Variants in NOTCH2 observed in about 807,000 individuals in gnomAD.
NOTCH2 encodes neurogenic locus notch homolog protein 2.
Under a neutral mutation model 235.8 loss-of-function variants are expected in NOTCH2, and 29 were observed. The observed-to-expected ratio is 0.12, with a 90% CI of 0.09 to 0.17. The LOEUF (loss-of-function observed/expected upper bound fraction) is 0.17. NOTCH2 is among the 10% of genes least tolerant of loss of function. The probability of loss-of-function intolerance (pLI) is 1.00; values close to 1 mark genes in which losing one functional copy is unlikely to be tolerated. For missense variants in NOTCH2, 2,285 were observed against 3,150.2 expected, an observed-to-expected ratio of 0.73 and a Z score of 6.57; for synonymous variants, 1,086 against 1,141.5, an observed-to-expected ratio of 0.95 and a Z score of 0.98.
At chr1:119,938,076 T>C in intron 19 of NOTCH2, 66 bp from the exon 20 acceptor site, 5 of 1,553,376 alleles carry the variant, frequency 3.2e-6, no homozygotes, top group East Asian at 4.5e-5. Context: ...AAAGAAGTTA[T>C]ATTGTGTTAC....
chr1:119,972,795 T>C (rs1437970950), intron 5 of NOTCH2, among the ~76,000 whole-genome samples: 4 of 152,160 alleles, frequency 2.6e-5, no homozygotes, highest in African/African-American at 9.6e-5. Flanking sequence ...AGATTTGAAC[T>C]GGAGCTGCCT....
intron 22 of NOTCH2, chr1:119,934,972 G>T: frequency 2.6e-6 from 1 of 391,386 alleles, no homozygotes; most frequent in Non-Finnish European, 3.5e-6. Flanking sequence ...CTCTCATCAG[G>T]CCTTACTGCA....
chr1:119,927,952 C>A (rs1402957167), intron 23 of NOTCH2, among the ~76,000 whole-genome samples: 1 of 152,106 alleles, frequency 6.6e-6, no homozygotes, highest in Non-Finnish European at 1.5e-5. Context: ...CAGGATGTAG[C>A]AGAGTTCAGC....
In NOTCH2 at chr1:120,002,110, T is replaced by C. The variant is rs587727269; in HGVS notation, c.415+3219A>G. Reference sequence around the variant, plus strand: ...CTCACCATCACCCCTAGTGATCCACTAGCAAAATGTTTGCTTCCTGTTCCC... The same window carrying C: ...CTCACCATCACCCCTAGTGATCCACCAGCAAAATGTTTGCTTCCTGTTCCC... On this transcript the variant is annotated intron_variant, in intron 3 of 33. Coordinates refer to ENST00000256646, the MANE Select transcript of NOTCH2 (RefSeq NM_024408.4). 5.1e-4 allele frequency among the ~76,000 whole-genome samples: 78 copies of C among 152,106 alleles called. 1 individual carries two copies. Among genetic ancestry groups the C allele is most frequent in the Admixed American group, 4.8e-3 (74 of 15,278 alleles).
At chr1:119,928,215 T>A (rs1020441963) in intron 23 of NOTCH2, among the ~76,000 whole-genome samples, 11 of 152,156 alleles carry the variant, frequency 7.2e-5, no homozygotes, top group African/African-American at 2.4e-4. Context: ...TTGGTCATCT[T>A]CAGGCCCTGT....
chr1:119,941,830 T>C (rs782120806), intron 17 of NOTCH2, 76 bp from the exon 18 acceptor site: 111 of 1,154,658 alleles, frequency 9.6e-5, no homozygotes, highest in Non-Finnish European at 1.4e-4. Context: ...GTGAATGACC[T>C]GAACTAAGTC....
rs1648943603 is a variant in NOTCH2 at position 119,913,073 on chromosome 1, G to C, written c.*2233C>G. On this transcript the variant is annotated 3_prime_UTR_variant, in exon 34 of 34. Coordinates refer to ENST00000256646, the MANE Select transcript of NOTCH2 (RefSeq NM_024408.4). ...GGCAGAAAGGGGCAGGTACGCTGTG[G>C]TCCACAGAGGTCCATGCAGATAGGT... 4.3e-6 allele frequency: 1 copy of C among 233,276 alleles called. No homozygotes were observed. 14.5% of individuals were successfully genotyped at this position (233,276 alleles called of 1,614,324 possible).
rs1179449880 is a variant in NOTCH2, at chr1:119,916,225, G to A, written c.6497C>T (p.Ser2166Phe). The A allele has an allele frequency of 6.2e-7, 1 of 1,614,236 alleles. No homozygotes were observed. The highest frequency in any genetic ancestry group is 1.7e-5 in the Admixed American group (1 of 60,032). The change falls in exon 34 of 34, where the codon TCC (serine) becomes TTC (phenylalanine). Residue 2166 changes from serine (S) to phenylalanine (F), a missense_variant. Ser to Phe is a radical substitution (Grantham distance 155, BLOSUM62 -2). Around this residue, in one of 6 missense-constraint regions of NOTCH2, gnomAD observed 504 missense variants for 538.0 expected, o/e 0.94. Coordinates refer to ENST00000256646, the MANE Select transcript of NOTCH2 (RefSeq NM_024408.4). The stretch of plus-strand genomic sequence containing the variant: ...CCCAGGGGATGTAATCATTGGAGAG[G>A]ATGTGGTGTCGGAAACATACGTGTG... Reference protein sequence around the residue: ...SPHTYVSDTTSSPMITSPGIL... With the variant: ...SPHTYVSDTTFSPMITSPGIL...
At chr1:119,997,713 C>T (rs1229442732) in intron 3 of NOTCH2, among the ~76,000 whole-genome samples, 1 of 151,748 alleles carries the variant, frequency 6.6e-6, no homozygotes, top group African/African-American at 2.4e-5. Context: ...CAGTGGCTCA[C>T]ACCTGTAATT....
At chr1:119,961,920 A>C (rs1650953108) in intron 11 of NOTCH2, among the ~76,000 whole-genome samples, 1 of 152,208 alleles carries the variant, frequency 6.6e-6, no homozygotes, top group Non-Finnish European at 1.5e-5. Flanking sequence ...GACTCTATTC[A>C]TAATGCCTCT....
chr1:119,915,215 A>C lies in NOTCH2; in HGVS notation c.*91T>G. ...CTACCTCTAGAAGCTGGCTCCAGAG[A>C]TTTCTTCATTTCTCTCCCGGATGAC... On this transcript the variant is annotated 3_prime_UTR_variant, in exon 34 of 34. Transcript: ENST00000256646. 7.5e-7 allele frequency: 1 copy of C among 1,337,620 alleles called. No individual in the cohort carries two copies. Among genetic ancestry groups the C allele is most frequent in the Non-Finnish European group, 1.1e-6 (1 of 939,028 alleles). The allele number at this position is 1,337,620 out of a possible 1,614,324, so 82.9% of individuals were successfully genotyped here. A position where few individuals can be genotyped will look rare whatever the true frequency, so the allele number is the denominator to read the frequency against.
chr1:119,969,581 G>A lies in NOTCH2; in HGVS notation c.1038C>T (p.Ser346=), dbSNP rs2101148187. 1 of 1,614,060 alleles carries A rather than the reference G, an allele frequency of 6.2e-7. No homozygotes were observed. Among genetic ancestry groups the A allele is most frequent in the Non-Finnish European group, 8.5e-7 (1 of 1,179,974 alleles). ...SENIDDCAFA[S]CTPGSTCIDR... is the part of the protein sequence containing the mutation. ...CGATGCAGGTGGAGCCTGGAGTACA[G>A]GAGGCGAAGGCACAATCATCAATGT... The change falls in exon 6 of 34, where the codon TCC becomes TCT. Residue 346 remains serine, a synonymous_variant. Coordinates refer to ENST00000256646, the MANE Select transcript of NOTCH2 (RefSeq NM_024408.4).
In NOTCH2 at chr1:119,955,026, G is replaced by C. The variant is rs975515413; in HGVS notation, c.2219+14C>G. 1 of 1,612,850 alleles carries C rather than the reference G, an allele frequency of 6.2e-7. No individual in the cohort carries two copies. The highest frequency in any genetic ancestry group is 8.5e-7 in the Non-Finnish European group (1 of 1,179,638). On this transcript the variant is annotated intron_variant, in intron 13 of 33. Transcript: ENST00000256646. ...CAGGTCAATAAGAAACTATCACATG[G>C]GGCAGCTACTCACCCACTGAGACCT... is the stretch of plus-strand genomic sequence containing the variant.
intron 2 of NOTCH2, among the ~76,000 whole-genome samples, chr1:120,015,942 C>A (rs587654129): frequency 2.4e-3 from 309 of 127,072 alleles, no homozygotes; most frequent in African/African-American, 8.4e-3. Context: ...TACTCTCAAC[C>A]CCCCCTTCTC....
chr1:119,995,128 C>CA (rs1385348624), intron 4 of NOTCH2: 2 of 142,874 alleles, frequency 1.4e-5, no homozygotes, highest in African/African-American at 5.2e-5. Context: ...GCCCTGGCAG[C>CA]CTCTCAGCTG....
At chr1:119,935,976 C>T (rs920351378) in intron 21 of NOTCH2, among the ~76,000 whole-genome samples, 1 of 152,142 alleles carries the variant, frequency 6.6e-6, no homozygotes, top group East Asian at 1.9e-4. Flanking sequence ...ATGACTCGGT[C>T]AAAAGGCATA....
At chr1:119,965,678 A>G (rs1026881601) in intron 9 of NOTCH2, 112 bp from the exon 10 acceptor site, 2 of 809,618 alleles carry the variant, frequency 2.5e-6, no homozygotes, top group Non-Finnish European at 2.2e-6. Flanking sequence ...CAATAAGCCT[A>G]TGCTTTATTA....
chr1:119,930,925 C>A (rs1422843183), intron 22 of NOTCH2, among the ~76,000 whole-genome samples: 2 of 151,280 alleles, frequency 1.3e-5, no homozygotes, highest in Admixed American at 6.6e-5. Context: ...GGTGAAACCC[C>A]GTCTCCACTA....
intron 2 of NOTCH2, among the ~76,000 whole-genome samples, chr1:120,017,422 T>C (rs1332020760): frequency 2.6e-5 from 4 of 152,162 alleles, no homozygotes; most frequent in Non-Finnish European, 4.4e-5. Context: ...GCCCTTATTA[T>C]GATTATCTGT....
Sources: allele counts gnomAD v4.1 joint callset (sites outside exome capture counted in the v4.1 genomes callset), GRCh38; gene constraint gnomAD v4.1.1; regional missense constraint gnomAD v4.1.1; transcripts MANE v1.5; gene names NCBI Gene and HGNC (gene_info 2026-07-23, HGNC 2026-07-21).